Variants in AGAP1 observed in about 807,000 individuals in gnomAD.
AGAP1 encodes the protein ArfGAP with GTPase domain, ankyrin repeat and PH domain 1.
Under a neutral mutation model 105.3 loss-of-function variants are expected in AGAP1, and 29 were observed. The observed-to-expected ratio is 0.28, with a 90% CI of 0.21 to 0.38. The LOEUF is 0.38. Ranked by LOEUF, AGAP1 falls within the 10% of genes least tolerant of loss-of-function variation. The pLI is 1.00. For missense variants in AGAP1, 998 were observed against 1,165.1 expected (o/e 0.86, Z 2.09); for synonymous variants, 509 against 485.9 (o/e 1.05, Z -0.63).
chr2:236,025,170 T>C (rs1197726539), intron 13 of AGAP1, among the ~76,000 whole-genome samples: 2 of 152,206 alleles, frequency 1.3e-5, no homozygotes, highest in East Asian at 3.8e-4. Context: ...GCCACTGCAA[T>C]TGTCACAAAT....
intron 5 of AGAP1, among the ~76,000 whole-genome samples, chr2:235,745,141 TATATATATAGTCAAATAC>T (rs1163227393): frequency 6.6e-6 from 1 of 152,172 alleles, no homozygotes; most frequent in Non-Finnish European, 1.5e-5. Flanking sequence ...ATATGTTTTG[TATATATATAGTCAAATAC>T]ATATATATAT....
In AGAP1 at chr2:235,622,084, T is replaced by G. The variant is rs1359101969; in HGVS notation, c.164-87095T>G. ...CACTTTAGAATGCCTTAATCTTTTC[T>G]TGTTGTGTTTTGAATAGGTTACATG... On this transcript the variant is annotated intron_variant, in intron 1 of 17. Coordinates refer to ENST00000304032, the MANE Select transcript of AGAP1 (RefSeq NM_001037131.3). This position sits in a 1 kb window ranked among gnomAD's most constrained non-coding sequence, Gnocchi z 5.0. 6.6e-6 allele frequency among the ~76,000 whole-genome samples: 1 copy of G among 152,256 alleles called. No homozygotes were observed. Among genetic ancestry groups the G allele is most frequent in the African/African-American group, 2.4e-5 (1 of 41,474 alleles).
chr2:235,884,776 A>G (rs1029757221), intron 10 of AGAP1, among the ~76,000 whole-genome samples: 11 of 152,108 alleles, frequency 7.2e-5, no homozygotes, highest in South Asian at 2.1e-4. Flanking sequence ...TTTTTAATCC[A>G]TAGTTGATTG....
chr2:235,852,697 C>T (rs2048523746), intron 9 of AGAP1: 3 of 1,503,292 alleles, frequency 2.0e-6, no homozygotes, highest in Admixed American at 4.7e-5. Flanking sequence ...GCCTGCCCTT[C>T]TTTGTCCTTG....
chr2:235,516,352 A>T (rs1051988765), intron 1 of AGAP1, among the ~76,000 whole-genome samples: 1 of 151,788 alleles, frequency 6.6e-6, no homozygotes, highest in South Asian at 2.1e-4. Context: ...CATTATTATT[A>T]TTTTTTTTAA....
Position 235,553,750 on chromosome 2 carries a change from C to T in AGAP1, c.163+58901C>T, listed in dbSNP as rs890115790. On this transcript the variant is annotated intron_variant, in intron 1 of 17. Coordinates refer to ENST00000304032, the MANE Select transcript of AGAP1 (RefSeq NM_001037131.3). The surrounding 1 kb of genome is among the most constrained non-coding windows in gnomAD (Gnocchi z 4.5). ...GTGAGGGTGGGGTGCAGGAGAGGAG[C>T]GTTCAGGGCACCTCTGAGCACATGT... is the stretch of plus-strand genomic sequence containing the variant. 2.0e-5 allele frequency among the ~76,000 whole-genome samples: 3 copies of T among 152,026 alleles called. No homozygotes were observed. Among genetic ancestry groups the T allele is most frequent in the African/African-American group, 4.8e-5 (2 of 41,366 alleles).
intron 1 of AGAP1, among the ~76,000 whole-genome samples, chr2:235,502,298 G>A (rs1245190505): frequency 6.6e-6 from 1 of 152,144 alleles, no homozygotes; most frequent in Admixed American, 6.5e-5. Context: ...ATCGTTAATG[G>A]ATTCTTTGAG....
rs947986275 is a variant in AGAP1, at chr2:235,889,655, C to T, written c.1155+6206C>T. On this transcript the variant is annotated intron_variant, in intron 10 of 17. Transcript: ENST00000304032. This position sits in a 1 kb window ranked among gnomAD's most constrained non-coding sequence, Gnocchi z 4.6. ...ACTTGCAGCTCAGCCTCACTCTGTC[C>T]TTTACTTAGGACATAAGCTAAATCT... 9.9e-5 allele frequency among the ~76,000 whole-genome samples: 15 copies of T among 151,718 alleles called. No individual in the cohort carries two copies. Among genetic ancestry groups the T allele is most frequent in the African/African-American group, 3.6e-4 (15 of 41,244 alleles).
At chr2:235,807,966 T>A (rs1957925735) in intron 9 of AGAP1, among the ~76,000 whole-genome samples, 1 of 152,204 alleles carries the variant, frequency 6.6e-6, no homozygotes, top group Non-Finnish European at 1.5e-5. Context: ...ACCATTTGTT[T>A]TGGCCTATGT....
intron 9 of AGAP1, among the ~76,000 whole-genome samples, chr2:235,876,320 G>C (rs909582542): frequency 6.6e-6 from 1 of 152,142 alleles, no homozygotes; most frequent in Non-Finnish European, 1.5e-5. Context: ...TGATTCTCAG[G>C]AAAAATTGTG....
chr2:236,077,946 C>T (rs1158194518), intron 16 of AGAP1, among the ~76,000 whole-genome samples: 1 of 152,096 alleles, frequency 6.6e-6, no homozygotes, highest in Non-Finnish European at 1.5e-5. Flanking sequence ...TCACTGCCAG[C>T]CTCACAGCGA....
In AGAP1 at chr2:236,131,734, CAGAG is replaced by C. The variant is rs1420186275; in HGVS notation, c.*7617_*7620del. On this transcript the variant is annotated 3_prime_UTR_variant, in exon 18 of 18. Coordinates refer to ENST00000304032, the MANE Select transcript of AGAP1 (RefSeq NM_001037131.3). The surrounding 1 kb of genome is among the most constrained non-coding windows in gnomAD (Gnocchi z 5.9). ...AGAAAAAGAAAGATGTGTAAAGTAA[CAGAG>C]AGAGGTGGCTATGGTGTAGAGACCT... 4 of 151,502 alleles carry C rather than the reference CAGAG, an allele frequency of 2.6e-5. No individual in the cohort carries two copies. The highest frequency in any genetic ancestry group is 7.3e-5 in the African/African-American group (3 of 41,272). The allele number at this position is 151,502 out of a possible 1,614,324, so 9.4% of individuals were successfully genotyped here. A position where few individuals can be genotyped will look rare whatever the true frequency, so the allele number is the denominator to read the frequency against.
intron 15 of AGAP1, among the ~76,000 whole-genome samples, chr2:236,041,056 C>CT (rs1463570450): frequency 6.6e-6 from 1 of 152,166 alleles, no homozygotes; most frequent in Non-Finnish European, 1.5e-5. Context: ...TTCTGTGAGT[C>CT]TTTCCTTGCC....
intron 9 of AGAP1, among the ~76,000 whole-genome samples, chr2:235,819,750 C>T (rs544747954): frequency 2.0e-4 from 31 of 152,176 alleles, no homozygotes; most frequent in African/African-American, 5.8e-4. Flanking sequence ...TCCTTTCCCA[C>T]GTGTTTCCGG....
At chr2:235,948,919 C>A (rs2053613220) in intron 12 of AGAP1, among the ~76,000 whole-genome samples, 1 of 152,240 alleles carries the variant, frequency 6.6e-6, no homozygotes, top group African/African-American at 2.4e-5. Flanking sequence ...GTAAAGCAGA[C>A]AGCATTCCAG....
intron 16 of AGAP1, among the ~76,000 whole-genome samples, chr2:236,091,241 C>T (rs890653736): frequency 3.9e-5 from 6 of 152,290 alleles, no homozygotes; most frequent in African/African-American, 7.2e-5. Context: ...AGACGGAGGT[C>T]GCTGCTAGTC....
At chr2:235,516,503 G>T (rs1185525284) in intron 1 of AGAP1, among the ~76,000 whole-genome samples, 4 of 152,176 alleles carry the variant, frequency 2.6e-5, no homozygotes, top group Non-Finnish European at 4.4e-5. Context: ...AAAGCCTTTT[G>T]AATTTGGAGC....
At chr2:235,895,057 A>G (rs2124945940) in intron 10 of AGAP1, among the ~76,000 whole-genome samples, 1 of 152,314 alleles carries the variant, frequency 6.6e-6, no homozygotes, top group African/African-American at 2.4e-5. Context: ...TGACGCCAGA[A>G]GTCACACAGA....
chr2:235,583,391 A>G (rs1206807226), intron 1 of AGAP1, among the ~76,000 whole-genome samples: 2 of 152,010 alleles, frequency 1.3e-5, no homozygotes, highest in East Asian at 3.9e-4. Flanking sequence ...TCTCACTGCC[A>G]TATAACCCCA....
Sources: gnomAD v4.1 joint callset for allele counts (sites outside exome capture counted in the v4.1 genomes callset) on GRCh38, gnomAD v4.1.1 for gene constraint, Gnocchi (gnomAD v3.1) non-coding constraint, MANE v1.5 for transcripts, NCBI Gene and HGNC (gene_info 2026-07-23, HGNC 2026-07-21) for gene names.